Variants in SNX1 observed in about 807,000 individuals in gnomAD.
SNX1 encodes sorting nexin-1.
SNX1 carries 36 observed loss-of-function variants against 71.8 expected under a neutral mutation model. The ratio of observed to expected loss-of-function variants is 0.50; its 90% CI spans 0.38 to 0.66. The LOEUF (loss-of-function observed/expected upper bound fraction) is 0.66. SNX1 is among the 30% of genes least tolerant of loss of function. The pLI is 0.00. For missense variants in SNX1, 612 were observed against 646.7 expected, an observed-to-expected ratio of 0.95 and a Z score of 0.58; for synonymous variants, 254 against 240.7, an observed-to-expected ratio of 1.06 and a Z score of -0.51.
In SNX1 at chr15:64,138,141, G is replaced by C. The variant is rs933848228; in HGVS notation, c.*523G>C. The stretch of plus-strand genomic sequence containing the variant: ...TACCGTTCACAAGTTTTGTGCTGCT[G>C]CTTCCCTCTGGAAATGGGGTTTCTT... On this transcript the variant is annotated 3_prime_UTR_variant, in exon 15 of 15. Transcript: ENST00000559844. 2.0e-6 allele frequency: 3 copies of C among 1,535,574 alleles called. No homozygotes were observed. The African/African-American group carries it at 4.1e-5, about 21-fold the overall frequency.
At chr15:64,137,526 A>G (rs770439856) in intron 14 of SNX1, 42 bp from the exon 15 acceptor site, 1 of 1,612,768 alleles carries the variant, frequency 6.2e-7, no homozygotes, top group Non-Finnish European at 8.5e-7. Flanking sequence ...AGGCTCTGCC[A>G]CTAGGTGGGG....
At chr15:64,118,964 T>C in intron 4 of SNX1, 110 bp downstream of exon 4, 1 of 731,940 alleles carries the variant, frequency 1.4e-6, no homozygotes, top group South Asian at 1.6e-5. Flanking sequence ...TGTGAAGTAC[T>C]TCATTAGTAT....
Position 64,138,147 on chromosome 15 carries a change from C to T in SNX1, c.*529C>T, listed in dbSNP as rs1370249250. ...TCACAAGTTTTGTGCTGCTGCTTCC[C>T]TCTGGAAATGGGGTTTCTTTCTCTC... On this transcript the variant is annotated 3_prime_UTR_variant, in exon 15 of 15. Transcript: ENST00000559844. The T allele has an allele frequency of 1.1e-5, 17 of 1,535,562 alleles. No homozygotes were observed. The South Asian group carries it at 1.5e-4, about 14-fold the overall frequency.
rs898765418 is a variant in SNX1, at chr15:64,142,281, T to C, written c.*4663T>C. 1 of 199,988 alleles carries C rather than the reference T, an allele frequency of 5.0e-6. No individual in the cohort carries two copies. The highest frequency in any genetic ancestry group is 2.4e-5 in the African/African-American group (1 of 42,140). The allele number at this position is 199,988 out of a possible 1,614,324, so 12.4% of individuals were successfully genotyped here. A position where few individuals can be genotyped will look rare whatever the true frequency, so the allele number is the denominator to read the frequency against. ...AGGTTGAGGTTGCAGTGAGCTACAG[T>C]TGCGCCACTGCACTCCAGCCTAGGT... On this transcript the variant is annotated 3_prime_UTR_variant, in exon 15 of 15. Coordinates refer to ENST00000559844, the MANE Select transcript of SNX1 (RefSeq NM_003099.5).
At chr15:64,137,428 G>A in intron 14 of SNX1, 140 bp from the exon 15 acceptor site, 1 of 799,662 alleles carries the variant, frequency 1.3e-6, no homozygotes, top group Non-Finnish European at 2.0e-6. Context: ...AGGTCATGTG[G>A]CCTGTGCAGC....
At chr15:64,098,947 C>T (rs1173132281) in intron 1 of SNX1, among the ~76,000 whole-genome samples, 2 of 152,064 alleles carry the variant, frequency 1.3e-5, no homozygotes, top group East Asian at 3.9e-4. Flanking sequence ...ACCTATAAGC[C>T]ATTTTTCAAG....
rs531205248 is a variant in SNX1, at chr15:64,136,303, G to A, written c.1366-27G>A. ...TAATAATGGTGCCATAATATGAGGT[G>A]ATCCTTTCTTTCCTCTTTCTTCCCA... On this transcript the variant is annotated intron_variant, in intron 12 of 14. Transcript: ENST00000559844. The A allele has an allele frequency of 2.5e-6, 4 of 1,572,910 alleles. No individual in the cohort carries two copies. The East Asian group carries it at 9.0e-5, about 35-fold the overall frequency.
Position 64,138,180 on chromosome 15 carries a change from C to A in SNX1, c.*562C>A. Reference sequence around the variant, plus strand: ...ATGGGGTTTCTTTCTCTCCGCCTACCTCAGCTACCTGTTCTGAGGGTCTCA... The same window carrying A: ...ATGGGGTTTCTTTCTCTCCGCCTACATCAGCTACCTGTTCTGAGGGTCTCA... On this transcript the variant is annotated 3_prime_UTR_variant, in exon 15 of 15. Coordinates refer to ENST00000559844, the MANE Select transcript of SNX1 (RefSeq NM_003099.5). 1 of 1,535,256 alleles carries A rather than the reference C, an allele frequency of 6.5e-7. No individual in the cohort carries two copies. Among genetic ancestry groups the A allele is most frequent in the Middle Eastern group, 1.7e-4 (1 of 5,984 alleles).
Position 64,134,765 on chromosome 15 carries a change from C to T in SNX1, c.1323C>T (p.Asn441=). The change falls in exon 12 of 15, where the codon AAC becomes AAT. Residue 441 remains asparagine, a synonymous_variant. Transcript: ENST00000559844. This position sits in a 1 kb window ranked among gnomAD's most constrained non-coding sequence, Gnocchi z 4.1. ...REAEARLLWA[N]KPDKLQQAKD... Reference sequence around the variant, plus strand: ...CCGAGGCTCGGCTGCTGTGGGCCAACAAGCCTGATAAGCTGCAGCAGGCCA... The same window carrying T: ...CCGAGGCTCGGCTGCTGTGGGCCAATAAGCCTGATAAGCTGCAGCAGGCCA... The T allele has an allele frequency of 6.2e-7, 1 of 1,614,012 alleles. No homozygotes were observed. The highest frequency in any genetic ancestry group is 8.5e-7 in the Non-Finnish European group (1 of 1,180,024).
intron 1 of SNX1, among the ~76,000 whole-genome samples, chr15:64,105,702 T>G (rs1567317644): frequency 6.6e-6 from 1 of 152,214 alleles, no homozygotes. Context: ...CCAAAAAGTT[T>G]AGTTGGGAAA....
At chr15:64,137,338 G>A (rs145638488) in intron 14 of SNX1, among the ~76,000 whole-genome samples, 242 of 152,342 alleles carry the variant, frequency 1.6e-3, no homozygotes, top group African/African-American at 5.4e-3. Context: ...CTCTGGGGTG[G>A]AGCCAAGACT....
Position 64,134,415 on chromosome 15 carries a change from T to TC in SNX1, c.1222-246dup. ...CACTGGCATGAGGCCACCTACTGGA[T>TC]CCCTGCCATCCAGCCCTGGGAGTAG... is the stretch of plus-strand genomic sequence containing the variant. On this transcript the variant is annotated intron_variant, in intron 11 of 14. Coordinates refer to ENST00000559844, the MANE Select transcript of SNX1 (RefSeq NM_003099.5). The surrounding 1 kb of genome is among the most constrained non-coding windows in gnomAD (Gnocchi z 4.1). 2.0e-6 allele frequency: 1 copy of TC among 492,976 alleles called. No homozygotes were observed. The highest frequency in any genetic ancestry group is 3.6e-6 in the Non-Finnish European group (1 of 275,480). 30.5% of individuals were successfully genotyped at this position (492,976 alleles called of 1,614,324 possible).
intron 1 of SNX1, among the ~76,000 whole-genome samples, chr15:64,109,754 C>T (rs1205704009): frequency 6.6e-6 from 1 of 152,118 alleles, no homozygotes; most frequent in Non-Finnish European, 1.5e-5. Flanking sequence ...GTTATGTAGG[C>T]ACCTCTGCCT....
rs1329656267 is a variant in SNX1, at chr15:64,108,552, TC to T, written c.160-4020del. ...ATTTCTTCTTTAAAAGTGGTTCTGCTCAGTTTTTTTAAAAATCTGATTTTAA... is the reference window on the plus strand; with the variant it reads ...ATTTCTTCTTTAAAAGTGGTTCTGCTAGTTTTTTTAAAAATCTGATTTTAA... On this transcript the variant is annotated intron_variant, in intron 1 of 14. Coordinates refer to ENST00000559844, the MANE Select transcript of SNX1 (RefSeq NM_003099.5). Among the ~76,000 whole-genome samples the T allele has an allele frequency of 2.6e-5, 4 of 152,216 alleles. No homozygotes were observed. In the East Asian group the frequency reaches 7.7e-4, roughly 29 times the overall value.
In SNX1 at chr15:64,134,913, A is replaced by G; in HGVS notation, c.1365+106A>G. 6.9e-7 allele frequency: 1 copy of G among 1,443,584 alleles called. No individual in the cohort carries two copies. Among genetic ancestry groups the G allele is most frequent in the African/African-American group, 1.4e-5 (1 of 70,878 alleles). 89.4% of individuals were successfully genotyped at this position (1,443,584 alleles called of 1,614,324 possible). The stretch of plus-strand genomic sequence containing the variant: ...GAACCCCACAGGGGGAAGAGCGCTG[A>G]TTGAGTCTAAAGGGCCGTGGCTGCT... On this transcript the variant is annotated intron_variant, in intron 12 of 14. Transcript: ENST00000559844. The surrounding 1 kb of genome is among the most constrained non-coding windows in gnomAD (Gnocchi z 4.1).
At chr15:64,124,838 G>A (rs1388526543) in intron 5 of SNX1, among the ~76,000 whole-genome samples, 1 of 152,168 alleles carries the variant, frequency 6.6e-6, no homozygotes, top group Non-Finnish European at 1.5e-5. Context: ...TACCCCATCA[G>A]CAGTGTATAA....
At position 64,144,125 on chromosome 15, in the gene SNX1, G is replaced by C. The variant is rs2081441399; in HGVS notation, c.*6507G>C. On this transcript the variant is annotated 3_prime_UTR_variant, in exon 15 of 15. Coordinates refer to ENST00000559844, the MANE Select transcript of SNX1 (RefSeq NM_003099.5). The surrounding 1 kb of genome is among the most constrained non-coding windows in gnomAD (Gnocchi z 4.3). Reference sequence around the variant, plus strand: ...ACTATGGTCACCTCTAGAGATGGAAGTTTGCATTACCTTTAATTTTTAATA... The same window carrying C: ...ACTATGGTCACCTCTAGAGATGGAACTTTGCATTACCTTTAATTTTTAATA... 1 of 152,150 alleles carries C rather than the reference G, an allele frequency of 6.6e-6. No individual in the cohort carries two copies. Among genetic ancestry groups the C allele is most frequent in the African/African-American group, 2.4e-5 (1 of 41,422 alleles). 9.4% of individuals were successfully genotyped at this position (152,150 alleles called of 1,614,324 possible). A position where few individuals can be genotyped will look rare whatever the true frequency, so the allele number is the denominator to read the frequency against.
chr15:64,131,783 C>G lies in SNX1; in HGVS notation c.1112C>G (p.Ala371Gly), dbSNP rs949502394. 1.2e-6 allele frequency: 2 copies of G among 1,614,082 alleles called. No individual in the cohort carries two copies. The highest frequency in any genetic ancestry group is 1.7e-6 in the Non-Finnish European group (2 of 1,180,048). Residue 371 changes from alanine to glycine, a missense_variant, in exon 11 of 15, where the codon GCT (alanine) becomes GGT (glycine). Physicochemically the swap from Ala to Gly is moderately conservative, Grantham distance 60 (BLOSUM62 0). Transcript: ENST00000559844. ...TTGTCACGGGCACTCTCCCAGCTGG[C>G]TGAGGTGGAAGAAAAAATTGAGCAG... ...TALSRALSQL[A>G]EVEEKIEQLH...
chr15:64,137,299 C>G (rs1423311884), intron 14 of SNX1, among the ~76,000 whole-genome samples: 1 of 152,226 alleles, frequency 6.6e-6, no homozygotes, highest in African/African-American at 2.4e-5. Flanking sequence ...CTGAGCCAGG[C>G]AAAGCTGTGG....
Sources: gnomAD v4.1 joint callset for allele counts (sites outside exome capture counted in the v4.1 genomes callset) on GRCh38, gnomAD v4.1.1 for gene constraint, Gnocchi (gnomAD v3.1) non-coding constraint, MANE v1.5 for transcripts, NCBI Gene and HGNC (gene_info 2026-07-23, HGNC 2026-07-21) for gene names.